The following GNG2 variants were observed in gnomAD, a reference collection of about 807,000 sequenced individuals.
GNG2 encodes guanine nucleotide-binding protein G(I)/G(S)/G(O) subunit gamma-2.
GNG2 carries 5 observed loss-of-function variants against 5.5 expected under a neutral mutation model. That is an observed-to-expected ratio of 0.91 (90% CI 0.48 to 1.92). GNG2 has a LOEUF of 1.92. GNG2 is among the 30% of genes most tolerant of loss of function. GNG2 has a pLI of 0.01. For missense variants in GNG2, 55 were observed against 88.4 expected, an observed-to-expected ratio of 0.62 and a Z score of 1.52; for synonymous variants, 28 against 32.0, an observed-to-expected ratio of 0.88 and a Z score of 0.42.
intron 2 of GNG2, among the ~76,000 whole-genome samples, chr14:51,936,064 A>G (rs994841598): frequency 1.3e-5 from 2 of 152,292 alleles, no homozygotes; most frequent in East Asian, 3.9e-4. Flanking sequence ...CCTTCCTCTC[A>G]TGAGTCTCCA....
intron 1 of GNG2, among the ~76,000 whole-genome samples, chr14:51,876,409 CA>C (rs1883668935): frequency 6.6e-6 from 1 of 152,206 alleles, no homozygotes; most frequent in Admixed American, 6.5e-5. Context: ...ATCACTAAAA[CA>C]ATGACTGAGA....
intron 2 of GNG2, among the ~76,000 whole-genome samples, chr14:51,885,581 G>A (rs961499676): frequency 1.5e-4 from 21 of 142,956 alleles, no homozygotes; most frequent in Non-Finnish European, 2.4e-4. Context: ...ATCCCCTGCC[G>A]TATTCTATAA....
chr14:51,907,607 A>G (rs1886014520), intron 2 of GNG2, among the ~76,000 whole-genome samples: 1 of 152,250 alleles, frequency 6.6e-6, no homozygotes, highest in African/African-American at 2.4e-5. Context: ...CTTCTGTGAC[A>G]TTTAATTTGA....
chr14:51,835,821 A>G (rs1310256462), intron 2 of GNG2, among the ~76,000 whole-genome samples: 1 of 152,212 alleles, frequency 6.6e-6, no homozygotes, highest in Non-Finnish European at 1.5e-5. Flanking sequence ...CATTGTAAAT[A>G]TTAGTCTTAT....
chr14:51,895,646 A>C (rs1345776113), intron 2 of GNG2, among the ~76,000 whole-genome samples: 1 of 152,250 alleles, frequency 6.6e-6, no homozygotes, highest in Admixed American at 6.5e-5. Context: ...AAAATTATCC[A>C]GGCAAGATGT....
chr14:51,940,609 T>C (rs949165444), intron 2 of GNG2, among the ~76,000 whole-genome samples: 1 of 152,140 alleles, frequency 6.6e-6, no homozygotes, highest in Admixed American at 6.5e-5. Flanking sequence ...AAAGACATGA[T>C]TGGGAAAGAG....
chr14:51,844,513 CTG>C (rs138036440), intron 2 of GNG2, among the ~76,000 whole-genome samples: 5 of 150,256 alleles, frequency 3.3e-5, no homozygotes, highest in South Asian at 2.1e-4. Context: ...GTTGACAGCC[CTG>C]TGTGTGTGTG....
chr14:51,942,603 T>TCTTTCTTTCTTTCTTTCTTTCTTTC (rs1888406822), intron 2 of GNG2, among the ~76,000 whole-genome samples: 1 of 138,256 alleles, frequency 7.2e-6, no homozygotes, highest in East Asian at 2.0e-4. Context: ...TTTTTTTTTT[T>TCTTTCTTTCTTTCTTTCTTTCTTTC]TTTAGAGACA....
At chr14:51,842,626 C>A (rs1446065427) in intron 2 of GNG2, among the ~76,000 whole-genome samples, 1 of 151,854 alleles carries the variant, frequency 6.6e-6, no homozygotes, top group African/African-American at 2.4e-5. Flanking sequence ...CACAAATGGC[C>A]TGTGTGTGAC....
intron 2 of GNG2, among the ~76,000 whole-genome samples, chr14:51,933,301 G>T (rs1381266949): frequency 2.0e-5 from 3 of 152,210 alleles, no homozygotes; most frequent in Non-Finnish European, 2.9e-5. Context: ...AGTTGGATTT[G>T]CTGGTGACTT....
chr14:51,917,449 C>A, intron 2 of GNG2: 1 of 456,018 alleles, frequency 2.2e-6, no homozygotes. Flanking sequence ...GACGTAGCAT[C>A]CTCCAGGGAG....
At chr14:51,942,595 T>TCCTTCTTTCTTTCTTTCTTTCTTTC (rs1413000965) in intron 2 of GNG2, among the ~76,000 whole-genome samples, 1 of 125,380 alleles carries the variant, frequency 8.0e-6, no homozygotes, top group Admixed American at 7.9e-5. Context: ...CTTTCTTTTT[T>TCCTTCTTTCTTTCTTTCTTTCTTTC]TTTTTTTTTT....
At chr14:51,930,069 GCCATGTGACACTGAATAACT>G in intron 2 of GNG2, among the ~76,000 whole-genome samples, 1 of 152,194 alleles carries the variant, frequency 6.6e-6, no homozygotes, top group Admixed American at 6.5e-5. Context: ...TTAGCCTCAA[GCCATGTGACACTGAATAACT>G]CTCAGCCAAG....
At chr14:51,881,616 T>C (rs1258750471) in intron 2 of GNG2, among the ~76,000 whole-genome samples, 1 of 151,340 alleles carries the variant, frequency 6.6e-6, no homozygotes. Flanking sequence ...TCATTAGGAC[T>C]AAGCAAAGAG....
chr14:51,881,462 C>T (rs1884062575), intron 2 of GNG2, among the ~76,000 whole-genome samples: 1 of 152,106 alleles, frequency 6.6e-6, no homozygotes, highest in Admixed American at 6.6e-5. Flanking sequence ...AAGACGCTTG[C>T]TGGGCCTTTC....
intron 3 of GNG2, among the ~76,000 whole-genome samples, chr14:51,952,385 T>C (rs765765504): frequency 9.9e-5 from 15 of 152,224 alleles, no homozygotes; most frequent in Non-Finnish European, 2.1e-4. Flanking sequence ...TCTTGCTTCT[T>C]CTTTTTCACT....
intron 2 of GNG2, among the ~76,000 whole-genome samples, chr14:51,843,435 G>A (rs1159387541): frequency 1.3e-5 from 2 of 152,112 alleles, no homozygotes; most frequent in African/African-American, 4.8e-5. Context: ...CGGGGGTGAG[G>A]GGAGGGAGAG....
intron 2 of GNG2, among the ~76,000 whole-genome samples, chr14:51,844,241 C>A (rs571882339): frequency 6.6e-6 from 1 of 152,198 alleles, no homozygotes; most frequent in Non-Finnish European, 1.5e-5. Flanking sequence ...GTCCCCTTAA[C>A]AATATTTGAT....
At chr14:51,924,018 T>G (rs950260646) in intron 2 of GNG2, among the ~76,000 whole-genome samples, 1 of 152,208 alleles carries the variant, frequency 6.6e-6, no homozygotes, top group African/African-American at 2.4e-5. Context: ...ATGATCCTTT[T>G]CAGGTCTCTC....
Sources: allele counts gnomAD v4.1 joint callset (sites outside exome capture counted in the v4.1 genomes callset), GRCh38; gene constraint gnomAD v4.1.1; transcripts MANE v1.5; gene names NCBI Gene and HGNC (gene_info 2026-07-23, HGNC 2026-07-21).